The following CENPU variants were observed in gnomAD, a reference collection of about 807,000 sequenced individuals.
CENPU encodes KSHV latent nuclear antigen interacting protein 1.
In CENPU, 46 loss-of-function variants were observed where a neutral mutation model predicts 56.7. That is an observed-to-expected ratio of 0.81 (90% CI 0.64 to 1.04). The LOEUF (loss-of-function observed/expected upper bound fraction) is 1.04, where lower values mean the gene tolerates loss of function less well. Among genes scored for constraint, CENPU ranks in the 50% least tolerant of loss-of-function variants. The pLI is 0.00. For missense variants in CENPU, 510 were observed against 490.1 expected (o/e 1.04, Z -0.38); for synonymous variants, 166 against 163.0 (o/e 1.02, Z -0.14).
intron 1 of CENPU, among the ~76,000 whole-genome samples, chr4:184,732,419 T>G (rs1233436776): frequency 6.6e-6 from 1 of 152,178 alleles, no homozygotes; most frequent in Non-Finnish European, 1.5e-5. Flanking sequence ...GTTCACGATT[T>G]ATTTATTTAA....
intron 1 of CENPU, 107 bp downstream of exon 1, chr4:184,733,909 C>A: frequency 3.4e-6 from 5 of 1,487,126 alleles, no homozygotes; most frequent in Non-Finnish European, 4.7e-6. Context: ...CTCGGGCGAC[C>A]TCCACAGTGG....
chr4:184,697,279 G>C (rs895848028), intron 12 of CENPU, among the ~76,000 whole-genome samples: 12 of 152,188 alleles, frequency 7.9e-5, no homozygotes, highest in African/African-American at 2.9e-4. Context: ...AGACCAAACA[G>C]AAGAGGCTGG....
chr4:184,722,818 T>C (rs937082031), intron 4 of CENPU, among the ~76,000 whole-genome samples: 1 of 152,080 alleles, frequency 6.6e-6, no homozygotes, highest in Non-Finnish European at 1.5e-5. Context: ...ATATAAACAG[T>C]TTGCAGAAAG....
intron 3 of CENPU, among the ~76,000 whole-genome samples, chr4:184,726,395 A>G (rs1288434999): frequency 1.3e-5 from 2 of 152,180 alleles, no homozygotes; most frequent in African/African-American, 2.4e-5. Flanking sequence ...ATGGTCAGCC[A>G]TAAGTACACG....
rs532416140 is a variant in CENPU, at chr4:184,725,093, TA to T, written c.215-32del. ...AAAAGACAAAAAAGAAGCACAACTT[TA>T]AAAGTCTGGCTATTTGGGCAGTACT... is the stretch of plus-strand genomic sequence containing the variant. On this transcript the variant is annotated intron_variant, in intron 3 of 12. Coordinates refer to ENST00000281453, the MANE Select transcript of CENPU (RefSeq NM_024629.4). 11,569 of 1,438,788 alleles carry T rather than the reference TA, an allele frequency of 8.0e-3. 76 individuals carry two copies. The highest frequency in any genetic ancestry group is 9.6e-3 in the Non-Finnish European group (9,940 of 1,034,818). 89.1% of individuals were successfully genotyped at this position (1,438,788 alleles called of 1,614,324 possible).
intron 3 of CENPU, among the ~76,000 whole-genome samples, chr4:184,728,543 C>T (rs541738453): frequency 1.3e-5 from 2 of 152,286 alleles, no homozygotes; most frequent in Non-Finnish European, 2.9e-5. Flanking sequence ...GCATCCCCTG[C>T]CTCCATGAGT....
At chr4:184,717,304 A>C in intron 4 of CENPU, 108 bp from the exon 5 acceptor site, 3 of 811,480 alleles carry the variant, frequency 3.7e-6, no homozygotes, top group Non-Finnish European at 6.1e-6. Context: ...TAATGAGGAA[A>C]TATCCTATTT....
intron 3 of CENPU, among the ~76,000 whole-genome samples, chr4:184,727,730 C>G (rs960884357): frequency 1.3e-5 from 2 of 152,066 alleles, no homozygotes; most frequent in African/African-American, 4.8e-5. Context: ...TCACAGTGGC[C>G]AAAAAATAGA....
intron 10 of CENPU, among the ~76,000 whole-genome samples, chr4:184,701,723 G>A (rs564835958): frequency 3.3e-5 from 5 of 152,066 alleles, no homozygotes; most frequent in African/African-American, 4.8e-5. Flanking sequence ...TGTGCTTTTC[G>A]ACATCCACAA....
At chr4:184,715,703 CTT>C (rs1255465275) in intron 6 of CENPU, among the ~76,000 whole-genome samples, 4 of 152,144 alleles carry the variant, frequency 2.6e-5, no homozygotes, top group Non-Finnish European at 4.4e-5. Context: ...CATCAAAGCA[CTT>C]ATAATTTTTT....
chr4:184,710,636 T>C (rs1410876235), intron 7 of CENPU, among the ~76,000 whole-genome samples: 1 of 151,474 alleles, frequency 6.6e-6, no homozygotes, highest in Non-Finnish European at 1.5e-5. Flanking sequence ...CTGAAGACCT[T>C]GGTTCTAGTT....
At chr4:184,713,079 GA>G in intron 6 of CENPU, 66 bp from the exon 7 acceptor site, 2 of 1,019,874 alleles carry the variant, frequency 2.0e-6, no homozygotes, top group Middle Eastern at 5.9e-4. Context: ...TTAGGATTAA[GA>G]CTGTCACCAA....
At chr4:184,712,392 A>G (rs4540092) in intron 7 of CENPU, among the ~76,000 whole-genome samples, 27,118 of 152,200 alleles carry the variant, frequency 0.18, 2,722 homozygotes, top group African/African-American at 0.26. Flanking sequence ...CAGAAAAAGC[A>G]TCCCTGAAGC....
rs1279354210 is a variant in CENPU, at chr4:184,725,159, G to A, written c.215-97C>T. On this transcript the variant is annotated intron_variant, in intron 3 of 12. Transcript: ENST00000281453. ...TACAATGGAGTACAAAACAATCTTTGTTCAACTAACAAAATCAAAATCAAT... is the reference window on the plus strand; with the variant it reads ...TACAATGGAGTACAAAACAATCTTTATTCAACTAACAAAATCAAAATCAAT... The A allele has an allele frequency of 1.1e-5, 7 of 631,308 alleles. No individual in the cohort carries two copies. The East Asian group carries it at 1.7e-4, about 15-fold the overall frequency. 39.1% of individuals were successfully genotyped at this position (631,308 alleles called of 1,614,324 possible). A position where few individuals can be genotyped will look rare whatever the true frequency, so the allele number is the denominator to read the frequency against.
At chr4:184,701,991 TCA>T (rs2150203166) in intron 10 of CENPU, 96 bp downstream of exon 10, 1 of 751,002 alleles carries the variant, frequency 1.3e-6, no homozygotes. Flanking sequence ...TGAAATCTAC[TCA>T]CACTCTAAAG....
intron 7 of CENPU, among the ~76,000 whole-genome samples, chr4:184,711,882 G>A (rs1447800204): frequency 1.3e-5 from 2 of 152,062 alleles, no homozygotes; most frequent in Non-Finnish European, 2.9e-5. Flanking sequence ...CAGCACTTTG[G>A]GAGGCCAAGG....
At chr4:184,718,801 A>T (rs1312655978) in intron 4 of CENPU, among the ~76,000 whole-genome samples, 1 of 152,212 alleles carries the variant, frequency 6.6e-6, no homozygotes, top group Non-Finnish European at 1.5e-5. Context: ...CTATTAACCT[A>T]GAGAACACCA....
At chr4:184,733,908 C>T (rs374939856) in intron 1 of CENPU, 108 bp downstream of exon 1, 3 of 1,468,354 alleles carry the variant, frequency 2.0e-6, no homozygotes, top group African/African-American at 2.8e-5. Context: ...ACTCGGGCGA[C>T]CTCCACAGTG....
chr4:184,731,540 G>T (rs73874439), intron 1 of CENPU, among the ~76,000 whole-genome samples: 1 of 152,138 alleles, frequency 6.6e-6, no homozygotes, highest in Non-Finnish European at 1.5e-5. Context: ...GAAAACAAAT[G>T]TAACAATGGT....
Sources: allele counts gnomAD v4.1 joint callset (sites outside exome capture counted in the v4.1 genomes callset), GRCh38; gene constraint gnomAD v4.1.1; transcripts MANE v1.5; gene names NCBI Gene and HGNC (gene_info 2026-07-23, HGNC 2026-07-21).